The following IMPG1 variants were observed in gnomAD, a reference collection of about 807,000 sequenced individuals.
IMPG1 encodes the protein interphotoreceptor matrix proteoglycan of 150 kDa.
In IMPG1, 85 loss-of-function variants were observed where a neutral mutation model predicts 92.0. The ratio of observed to expected loss-of-function variants is 0.92; its 90% CI spans 0.78 to 1.11. The LOEUF is 1.11. IMPG1 is among the 50% of genes least tolerant of loss of function. The probability of loss-of-function intolerance (pLI) is 0.00; values close to 1 mark genes in which losing one functional copy is unlikely to be tolerated. For synonymous variants in IMPG1, 367 were observed against 334.1 expected (o/e 1.10, Z -1.08); for missense variants, 1,022 against 956.0 (o/e 1.07, Z -0.91).
intron 1 of IMPG1, among the ~76,000 whole-genome samples, chr6:76,051,338 T>A (rs1208880037): frequency 6.6e-6 from 1 of 152,244 alleles, no homozygotes; most frequent in Non-Finnish European, 1.5e-5. Flanking sequence ...CAACAAATTA[T>A]GCAGGTTTTC....
At chr6:76,026,433 C>T (rs1783537524) in intron 4 of IMPG1, among the ~76,000 whole-genome samples, 1 of 152,182 alleles carries the variant, frequency 6.6e-6, no homozygotes, top group Admixed American at 6.5e-5. Context: ...CCCCATTGCT[C>T]CTGGGCCTTT....
At chr6:76,059,402 C>CT (rs11428800) in intron 1 of IMPG1, among the ~76,000 whole-genome samples, 80,026 of 149,794 alleles carry the variant, frequency 0.53, 22,387 homozygotes, top group South Asian at 0.65. Context: ...GACGTTACAC[C>CT]TTTTTTTTTT....
chr6:76,034,514 C>T, intron 3 of IMPG1, 107 bp downstream of exon 3: 1 of 1,310,744 alleles, frequency 7.6e-7, no homozygotes, highest in Non-Finnish European at 1.1e-6. Flanking sequence ...CCAAGCACTT[C>T]TTCAATTAAC....
intron 2 of IMPG1, among the ~76,000 whole-genome samples, chr6:76,037,896 G>A (rs1460700179): frequency 6.6e-6 from 1 of 152,178 alleles, no homozygotes; most frequent in African/African-American, 2.4e-5. Flanking sequence ...TACAAGTTAG[G>A]CACAACCTTG....
At chr6:75,974,808 A>G (rs1190999399) in intron 12 of IMPG1, among the ~76,000 whole-genome samples, 1 of 152,066 alleles carries the variant, frequency 6.6e-6, no homozygotes, top group Non-Finnish European at 1.5e-5. Flanking sequence ...GAGCCACCAC[A>G]CCTGGCCGGG....
intron 15 of IMPG1, among the ~76,000 whole-genome samples, chr6:75,924,736 A>ATTATAT (rs1781519724): frequency 2.9e-5 from 2 of 68,020 alleles, no homozygotes; most frequent in Non-Finnish European, 5.0e-5. Flanking sequence ...ATTATATATA[A>ATTATAT]TATATAATAT....
At position 75,949,291 on chromosome 6, in the gene IMPG1, T is replaced by A. The variant is rs1489778781; in HGVS notation, c.1824+1271A>T. The stretch of plus-strand genomic sequence containing the variant: ...ATAAAGACCTTACTGATAAAAGAAG[T>A]TGCAGTGAAGAAGCTGGCTAAATCC... On this transcript the variant is annotated intron_variant, in intron 13 of 16. Coordinates refer to ENST00000369950, the MANE Select transcript of IMPG1 (RefSeq NM_001563.4). Among the ~76,000 whole-genome samples the A allele has an allele frequency of 2.0e-5, 3 of 152,136 alleles. No individual in the cohort carries two copies. In the South Asian group the frequency reaches 6.2e-4, roughly 31 times the overall value.
chr6:76,072,567 A>G lies in IMPG1; in HGVS notation c.-79T>C. On this transcript the variant is annotated 5_prime_UTR_variant, in exon 1 of 17. Transcript: ENST00000369950. ...CTCATTAAAAAGTAACAGAAATGTG[A>G]AAAATAATTATATATTGATACCAGA... The G allele has an allele frequency of 1.2e-6, 1 of 827,252 alleles. No individual in the cohort carries two copies. Among genetic ancestry groups the G allele is most frequent in the Non-Finnish European group, 2.0e-6 (1 of 510,702 alleles). The allele number at this position is 827,252 out of a possible 1,614,324, so 51.2% of individuals were successfully genotyped here.
intron 6 of IMPG1, among the ~76,000 whole-genome samples, chr6:76,021,512 A>G (rs913019122): frequency 8.6e-5 from 13 of 152,020 alleles, no homozygotes; most frequent in African/African-American, 3.1e-4. Context: ...TTCTTCCACA[A>G]TTAAATTCTG....
chr6:75,957,106 G>T (rs1782138915), intron 12 of IMPG1, among the ~76,000 whole-genome samples: 1 of 152,100 alleles, frequency 6.6e-6, no homozygotes, highest in Non-Finnish European at 1.5e-5. Flanking sequence ...TTTTAGTAGA[G>T]ATGGGGTTTC....
intron 12 of IMPG1, among the ~76,000 whole-genome samples, chr6:75,959,564 G>T (rs1247613361): frequency 5.9e-5 from 9 of 152,120 alleles, no homozygotes; most frequent in Non-Finnish European, 1.3e-4. Context: ...GTGATGCCCT[G>T]CCCAGAGAGG....
intron 7 of IMPG1, among the ~76,000 whole-genome samples, chr6:76,017,509 G>T (rs913984254): frequency 6.6e-6 from 1 of 152,028 alleles, no homozygotes; most frequent in African/African-American, 2.4e-5. Flanking sequence ...CTTTAACCCA[G>T]CATCTTCTCT....
intron 1 of IMPG1, among the ~76,000 whole-genome samples, chr6:76,061,885 T>A (rs1271588949): frequency 6.6e-6 from 1 of 152,200 alleles, no homozygotes; most frequent in Non-Finnish European, 1.5e-5. Context: ...CTTTGAGCTC[T>A]TCAACTGTCT....
At chr6:75,993,604 A>G (rs143448544) in intron 12 of IMPG1, among the ~76,000 whole-genome samples, 6 of 152,260 alleles carry the variant, frequency 3.9e-5, no homozygotes, top group African/African-American at 1.2e-4. Flanking sequence ...TACATCCCAA[A>G]GGCTCTTACC....
intron 14 of IMPG1, among the ~76,000 whole-genome samples, chr6:75,936,826 G>T (rs1208714613): frequency 3.9e-5 from 6 of 152,214 alleles, no homozygotes; most frequent in Admixed American, 3.9e-4. Context: ...GGGGAGCTGG[G>T]AGGAGGCCCT....
At chr6:75,968,928 C>A (rs571373204) in intron 12 of IMPG1, among the ~76,000 whole-genome samples, 1 of 152,082 alleles carries the variant, frequency 6.6e-6, no homozygotes, top group Admixed American at 6.6e-5. Context: ...GAAATCAAAT[C>A]AAGTGTTCAT....
chr6:75,981,346 A>T (rs1385746309), intron 12 of IMPG1, among the ~76,000 whole-genome samples: 1 of 152,210 alleles, frequency 6.6e-6, no homozygotes, highest in African/African-American at 2.4e-5. Context: ...ATGAGTAAAA[A>T]ATCCATAATG....
At chr6:76,033,156 C>A (rs1310218314) in intron 4 of IMPG1, among the ~76,000 whole-genome samples, 2 of 152,138 alleles carry the variant, frequency 1.3e-5, no homozygotes, top group Non-Finnish European at 1.5e-5. Flanking sequence ...ACAGAGAAGG[C>A]CCTGTGGAAA....
intron 1 of IMPG1, among the ~76,000 whole-genome samples, chr6:76,048,609 C>T (rs1056853235): frequency 6.6e-6 from 1 of 152,182 alleles, no homozygotes; most frequent in Non-Finnish European, 1.5e-5. Context: ...CTCTCACTTT[C>T]CTACATCATT....
Sources: allele counts gnomAD v4.1 joint callset (sites outside exome capture counted in the v4.1 genomes callset), GRCh38; gene constraint gnomAD v4.1.1; transcripts MANE v1.5; gene names NCBI Gene and HGNC (gene_info 2026-07-23, HGNC 2026-07-21).